The following MRPL34 variants were observed in gnomAD, a reference collection of about 807,000 sequenced individuals.
The protein encoded by MRPL34 is mitochondrial ribosomal protein L34, also known as large ribosomal subunit protein bL34m.
Under a neutral mutation model 6.7 loss-of-function variants are expected in MRPL34, and 8 were observed. The ratio of observed to expected loss-of-function variants is 1.20; its 90% CI spans 0.70 to 2.16. The LOEUF is 2.16. Among genes scored for constraint, MRPL34 ranks in the 30% most tolerant of loss-of-function variants. The probability of loss-of-function intolerance (pLI) is 0.00; values close to 1 mark genes in which losing one functional copy is unlikely to be tolerated. For synonymous variants in MRPL34, 59 were observed against 55.1 expected (o/e 1.07, Z -0.31); for missense variants, 146 against 125.5 (o/e 1.16, Z -0.78).
upstream of MRPL34, chr19:17,300,959 G>C (rs749306333): frequency 6.2e-7 from 1 of 1,613,490 alleles, no homozygotes; most frequent in East Asian, 2.2e-5. Flanking sequence ...GCGGCCACCT[G>C]GGGCGCAGAG....
upstream of MRPL34, chr19:17,301,560 G>A (rs546146109): frequency 2.5e-6 from 4 of 1,599,684 alleles, no homozygotes; most frequent in African/African-American, 4.0e-5. Context: ...GCCCCACGGC[G>A]TTGGGGGGCG....
upstream of MRPL34, among the ~76,000 whole-genome samples, chr19:17,298,874 G>A (rs1239951649): frequency 2.0e-5 from 3 of 151,500 alleles, no homozygotes; most frequent in Non-Finnish European, 4.4e-5. Context: ...CCGAGTAGCT[G>A]GGATTACAGG....
At chr19:17,301,428 TGCGGATGATGGTGGAGGTGGGGCA>T (rs768033957), upstream of MRPL34, 12 of 1,612,110 alleles carry the variant, frequency 7.4e-6, no homozygotes, top group African/African-American at 1.5e-4. Context: ...CATCCGAGGA[TGCGGATGATGGTGGAGGTGGGGCA>T]GCGGCTGGGG....
upstream of MRPL34, among the ~76,000 whole-genome samples, chr19:17,300,483 A>G (rs1226900530): frequency 2.0e-5 from 3 of 150,694 alleles, no homozygotes; most frequent in Non-Finnish European, 3.0e-5. Context: ...CTGGGATTAC[A>G]GGTGTCAGTG....
upstream of MRPL34, among the ~76,000 whole-genome samples, chr19:17,304,789 CT>C (rs10709678): frequency 0.36 from 53,606 of 150,432 alleles, 9,855 homozygotes; most frequent in South Asian, 0.42. Context: ...AAGACGACTC[CT>C]TTTTTTTTTG....
intron 1 of MRPL34, chr19:17,297,650 T>C (rs934167588): frequency 3.9e-5 from 6 of 152,130 alleles, no homozygotes; most frequent in African/African-American, 9.7e-5. Flanking sequence ...CTTTTGAGTA[T>C]GTTATATAAA....
At chr19:17,301,772 TTGTTTGTGTG>T (rs2074120581), upstream of MRPL34, 5 of 871,498 alleles carry the variant, frequency 5.7e-6, no homozygotes, top group South Asian at 6.6e-5. Flanking sequence ...TGAGATTTTT[TTGTTTGTGTG>T]TGTGTGTGTG....
intron 1 of MRPL34, among the ~76,000 whole-genome samples, chr19:17,293,635 G>A (rs1341469516): frequency 6.6e-6 from 1 of 151,728 alleles, no homozygotes; most frequent in African/African-American, 2.4e-5. Context: ...GTTCCTTGGG[G>A]GCAGAATCCT....
At chr19:17,294,193 C>T in intron 1 of MRPL34, 1 of 1,435,072 alleles carries the variant, frequency 7.0e-7, no homozygotes. Flanking sequence ...AAAGCACGCC[C>T]ACCAAGCGCT....
chr19:17,301,998 T>G (rs2074122360), upstream of MRPL34, among the ~76,000 whole-genome samples: 1 of 152,124 alleles, frequency 6.6e-6, no homozygotes, highest in Non-Finnish European at 1.5e-5. Context: ...TTCACCATGT[T>G]GGCCAGGCTG....
chr19:17,292,644 C>A (rs1013403768), exon 1 of MRPL34: 2 of 1,598,128 alleles, frequency 1.3e-6, no homozygotes, highest in Non-Finnish European at 1.7e-6. Flanking sequence ...CCAAGCGATG[C>A]CCCGCCGGCC....
At chr19:17,295,969 C>T (rs1424673886) in intron 1 of MRPL34, among the ~76,000 whole-genome samples, 5 of 151,840 alleles carry the variant, frequency 3.3e-5, no homozygotes, top group African/African-American at 1.2e-4. Flanking sequence ...CCTTAACCTC[C>T]CAAAGTGCTG....
intron 1 of MRPL34, among the ~76,000 whole-genome samples, chr19:17,293,406 AT>A (rs2145650483): frequency 8.0e-6 from 1 of 124,396 alleles, no homozygotes; most frequent in East Asian, 2.7e-4. Context: ...CTGGAGGAGG[AT>A]TTTGTCAACT....
chr19:17,306,096 C>CA (rs2074145974), intron 1 of MRPL34, 70 bp from the exon 2 acceptor site: 16 of 1,498,204 alleles, frequency 1.1e-5, no homozygotes, highest in Non-Finnish European at 1.4e-5. Context: ...AGCCGAGGCT[C>CA]AGAGAGGTTG....
chr19:17,299,614 A>C (rs1252087632), upstream of MRPL34, among the ~76,000 whole-genome samples: 1 of 151,196 alleles, frequency 6.6e-6, no homozygotes, highest in Admixed American at 6.6e-5. Flanking sequence ...TCACACCTGT[A>C]GTCCTAGCAC....
upstream of MRPL34, chr19:17,297,911 TTTTTTC>T (rs1474409076): frequency 2.7e-5 from 3 of 109,590 alleles, no homozygotes; most frequent in South Asian, 5.0e-4. Flanking sequence ...TTTATTTTTC[TTTTTTC>T]TTTTTTTTTT....
chr19:17,302,303 A>T (rs1377099809), upstream of MRPL34: 1 of 152,400 alleles, frequency 6.6e-6, no homozygotes, highest in Non-Finnish European at 1.5e-5. Flanking sequence ...TGGAGTTTAT[A>T]CCATTTATGG....
upstream of MRPL34, among the ~76,000 whole-genome samples, chr19:17,305,260 T>C: frequency 7.8e-6 from 1 of 128,052 alleles, no homozygotes; most frequent in South Asian, 2.3e-4. Context: ...TTTTTTTTTT[T>C]TGGTTCTAAC....
intron 1 of MRPL34, chr19:17,294,895 A>G (rs781044771): frequency 2.1e-5 from 34 of 1,593,738 alleles, no homozygotes; most frequent in Non-Finnish European, 2.9e-5. Flanking sequence ...GGCGGTCAGC[A>G]GGATACAAGC....
Sources: gnomAD v4.1 joint callset for allele counts (sites outside exome capture counted in the v4.1 genomes callset) on GRCh38, gnomAD v4.1.1 for gene constraint, MANE v1.5 for transcripts, NCBI Gene and HGNC (gene_info 2026-07-23, HGNC 2026-07-21) for gene names.